Variants in HEPHL1 observed in about 807,000 individuals in gnomAD.
HEPHL1 encodes the protein hephaestin like 1.
A neutral mutation model predicts 122.0 loss-of-function variants in HEPHL1; 123 were observed. The ratio of observed to expected loss-of-function variants is 1.01; its 90% CI spans 0.87 to 1.17. HEPHL1 has a LOEUF of 1.17. HEPHL1 is among the 50% of genes most tolerant of loss of function. The probability of loss-of-function intolerance (pLI) is 0.00; values close to 1 mark genes in which losing one functional copy is unlikely to be tolerated. For synonymous variants in HEPHL1, 527 were observed against 508.9 expected (o/e 1.04, Z -0.48); for missense variants, 1,452 against 1,430.5 (o/e 1.01, Z -0.24).
At chr11:94,049,060 G>A (rs923559481) in intron 2 of HEPHL1, among the ~76,000 whole-genome samples, 3 of 152,048 alleles carry the variant, frequency 2.0e-5, no homozygotes, top group African/African-American at 7.2e-5. Flanking sequence ...GGTGGAGGCT[G>A]CAGTGAGCCG....
intron 2 of HEPHL1, among the ~76,000 whole-genome samples, chr11:94,062,125 A>G (rs1055709774): frequency 6.6e-6 from 1 of 152,232 alleles, no homozygotes; most frequent in African/African-American, 2.4e-5. Flanking sequence ...TGTAAAGGAA[A>G]GTTAAGTGAA....
At position 94,068,397 on chromosome 11, in the gene HEPHL1, A is replaced by G. The variant is rs71480702; in HGVS notation, c.1063+647A>G. On this transcript the variant is annotated intron_variant, in intron 5 of 19. Coordinates refer to ENST00000315765, the MANE Select transcript of HEPHL1 (RefSeq NM_001098672.2). ...TGCTCTATTGGAATGTTCTTCCTCA[A>G]ATTGAGACAAAATCCATTGACCTAT... is the stretch of plus-strand genomic sequence containing the variant. Among the ~76,000 whole-genome samples, 364 of 152,288 alleles carry G rather than the reference A, an allele frequency of 2.4e-3. 4 individuals are homozygous for G. The highest frequency in any genetic ancestry group is 0.021 in the South Asian group (100 of 4,824).
At chr11:94,096,002 AC>A (rs779327575) in intron 13 of HEPHL1, among the ~76,000 whole-genome samples, 9 of 152,118 alleles carry the variant, frequency 5.9e-5, no homozygotes, top group Non-Finnish European at 1.2e-4. Context: ...CTAATTGAAT[AC>A]CCTTTATTTC....
At position 94,067,658 on chromosome 11, in the gene HEPHL1, A is replaced by G. The variant is rs921464921; in HGVS notation, c.971A>G (p.Asn324Ser). Residue 324 changes from asparagine to serine, a missense_variant, in exon 5 of 20, where the codon AAC becomes AGC. Asn to Ser is a conservative substitution (Grantham distance 46). Coordinates refer to ENST00000315765, the MANE Select transcript of HEPHL1 (RefSeq NM_001098672.2). Reference protein sequence around the residue: ...ISRGHRTDVVNLFPATFLTTE... With the variant: ...ISRGHRTDVVSLFPATFLTTE... ...AGAGGGCATCGGACTGATGTCGTCA[A>G]CCTGTTCCCAGCCACCTTCCTTACA... 2 of 1,613,824 alleles carry G rather than the reference A, an allele frequency of 1.2e-6. No homozygotes were observed. Among genetic ancestry groups the G allele is most frequent in the East Asian group, 2.2e-5 (1 of 44,866 alleles).
At chr11:94,039,464 G>C (rs1446269483) in intron 1 of HEPHL1, among the ~76,000 whole-genome samples, 8 of 148,796 alleles carry the variant, frequency 5.4e-5, no homozygotes, top group Non-Finnish European at 7.5e-5. Context: ...TGACCACATA[G>C]TTGGAAGTAA....
At chr11:94,086,242 C>T in intron 11 of HEPHL1, 53 bp downstream of exon 11, 2 of 1,338,774 alleles carry the variant, frequency 1.5e-6, no homozygotes, top group Non-Finnish European at 2.1e-6. Context: ...TCAGGCTCAT[C>T]CTCTTAGAGT....
intron 9 of HEPHL1, among the ~76,000 whole-genome samples, 179 bp downstream of exon 9, chr11:94,075,564 T>C (rs1372282304): frequency 6.6e-6 from 1 of 152,180 alleles, no homozygotes; most frequent in East Asian, 1.9e-4. Flanking sequence ...AAGATCTAAA[T>C]TTATAGTTAC....
chr11:94,024,750 A>C (rs1945609747), intron 1 of HEPHL1, among the ~76,000 whole-genome samples: 1 of 151,936 alleles, frequency 6.6e-6, no homozygotes. Flanking sequence ...TTGCCCTCTA[A>C]TTGCTTGATG....
At chr11:94,087,732 G>T (rs1254056112) in intron 11 of HEPHL1, among the ~76,000 whole-genome samples, 1 of 152,098 alleles carries the variant, frequency 6.6e-6, no homozygotes, top group African/African-American at 2.4e-5. Flanking sequence ...GTCTTCAAAG[G>T]TATCTTCTCT....
intron 2 of HEPHL1, chr11:94,054,998 G>C (rs1341744990): frequency 2.6e-5 from 4 of 153,676 alleles, no homozygotes; most frequent in African/African-American, 9.6e-5. Context: ...CAGTTGGCTT[G>C]AGGAAGTACA....
intron 9 of HEPHL1, among the ~76,000 whole-genome samples, chr11:94,078,589 G>T (rs147180424): frequency 8.6e-5 from 13 of 151,772 alleles, no homozygotes; most frequent in African/African-American, 7.2e-5. Flanking sequence ...AGACCCAGGA[G>T]AGCCAATGGG....
Position 94,103,190 on chromosome 11 carries a change from A to C in HEPHL1, c.2682+170A>C, listed in dbSNP as rs1047186685. Among the ~76,000 whole-genome samples, 7 of 151,268 alleles carry C rather than the reference A, an allele frequency of 4.6e-5. No homozygotes were observed. The South Asian group carries it at 1.5e-3, about 32-fold the overall frequency. ...AGACATGCTGGACGTTTACATTGTC[A>C]ATGGTTGACTTGAGTAGCTGCAACA... On this transcript the variant is annotated intron_variant, in intron 15 of 19. Transcript: ENST00000315765.
At chr11:94,090,691 G>C (rs927408629) in intron 12 of HEPHL1, among the ~76,000 whole-genome samples, 3 of 152,160 alleles carry the variant, frequency 2.0e-5, no homozygotes, top group African/African-American at 4.8e-5. Flanking sequence ...GCACATCTGA[G>C]GCATGTCTGT....
Position 94,063,811 on chromosome 11 carries a change from T to A in HEPHL1, c.628+91T>A. 3.8e-6 allele frequency: 4 copies of A among 1,040,912 alleles called. No homozygotes were observed. The South Asian group carries it at 5.5e-5, about 14-fold the overall frequency. 64.5% of individuals were successfully genotyped at this position (1,040,912 alleles called of 1,614,324 possible). A position where few individuals can be genotyped will look rare whatever the true frequency, so the allele number is the denominator to read the frequency against. ...CCTACCTCCTTTGCTCCACACAGAA[T>A]GTGCCTCTTCCAAATTTCTTTAGAA... On this transcript the variant is annotated intron_variant, in intron 3 of 19. Coordinates refer to ENST00000315765, the MANE Select transcript of HEPHL1 (RefSeq NM_001098672.2).
Position 94,111,722 on chromosome 11 carries a change from T to G in HEPHL1, c.3308T>G (p.Phe1103Cys), listed in dbSNP as rs867644355. The G allele has an allele frequency of 3.7e-6, 6 of 1,608,060 alleles. No individual in the cohort carries two copies. In the African/African-American group the frequency reaches 6.7e-5, roughly 18 times the overall value. The change falls in exon 20 of 20, where the codon TTT becomes TGT. Residue 1103 changes from phenylalanine to cysteine, a missense_variant. Phe to Cys is a radical substitution (Grantham distance 205, BLOSUM62 -2). Transcript: ENST00000315765. ...CCTGGCAAAGAGCAGCTCTATTTCT[T>G]TGGCAAGAATCTGGGTCCAACAGGA... The part of the protein sequence containing the change: ...ERPGKEQLYF[F>C]GKNLGPTGAK...
chr11:94,033,042 G>T (rs1945690216), intron 1 of HEPHL1, among the ~76,000 whole-genome samples: 1 of 152,202 alleles, frequency 6.6e-6, no homozygotes, highest in South Asian at 2.1e-4. Flanking sequence ...TGACACAAGA[G>T]CCCAGAAGTA....
chr11:94,106,673 T>G (rs1013831279), intron 17 of HEPHL1, among the ~76,000 whole-genome samples: 9 of 152,204 alleles, frequency 5.9e-5, no homozygotes, highest in African/African-American at 1.9e-4. Context: ...GTTTTCTCAT[T>G]AGTGATCTGG....
At chr11:94,102,475 C>G (rs796177511) in intron 14 of HEPHL1, among the ~76,000 whole-genome samples, 30 of 152,322 alleles carry the variant, frequency 2.0e-4, no homozygotes, top group African/African-American at 6.7e-4. Context: ...AGACCCTAGA[C>G]TCTCTGATTT....
intron 15 of HEPHL1, among the ~76,000 whole-genome samples, chr11:94,103,273 C>CAAAAAAA (rs755716566): frequency 2.3e-5 from 1 of 44,278 alleles, no homozygotes; most frequent in Non-Finnish European, 4.6e-5. Flanking sequence ...TTTTTTTTCC[C>CAAAAAAA]AAAAAAAAAA....
Sources: allele counts gnomAD v4.1 joint callset (sites outside exome capture counted in the v4.1 genomes callset), GRCh38; gene constraint gnomAD v4.1.1; transcripts MANE v1.5; gene names NCBI Gene and HGNC (gene_info 2026-07-23, HGNC 2026-07-21).